TNPO1: variants seen among roughly 807,000 people sequenced by gnomAD.
The protein encoded by TNPO1 is transportin 1.
TNPO1 carries 8 observed loss-of-function variants against 119.5 expected under a neutral mutation model. That is an observed-to-expected ratio of 0.07 (90% confidence interval 0.04 to 0.12). The LOEUF (loss-of-function observed/expected upper bound fraction) is 0.12. Among genes scored for constraint, TNPO1 ranks in the 10% least tolerant of loss-of-function variants. The probability of loss-of-function intolerance (pLI) is 1.00; values close to 1 mark genes in which losing one functional copy is unlikely to be tolerated. For missense variants in TNPO1, 576 were observed against 1,089.8 expected (o/e 0.53, Z 6.64); for synonymous variants, 362 against 363.0 (o/e 1.00, Z 0.03).
chr5:72,848,795 T>C (rs981085839), intron 2 of TNPO1, among the ~76,000 whole-genome samples: 9 of 147,770 alleles, frequency 6.1e-5, no homozygotes, highest in Non-Finnish European at 1.1e-4. Flanking sequence ...GATCGCGACA[T>C]GTGCGCGGGC....
chr5:72,889,044 CA>C (rs151151536), intron 13 of TNPO1, among the ~76,000 whole-genome samples: 9 of 151,164 alleles, frequency 6.0e-5, no homozygotes, highest in African/African-American at 9.7e-5. Context: ...AACTGTTGAA[CA>C]AAAAAAAGGA....
chr5:72,865,846 A>G, intron 6 of TNPO1, 117 bp downstream of exon 6: 1 of 1,103,990 alleles, frequency 9.1e-7, no homozygotes, highest in Non-Finnish European at 1.3e-6. Flanking sequence ...TGGATGTTCC[A>G]GAGAGGTGAA....
chr5:72,832,418 A>T (rs1744514743), intron 1 of TNPO1, among the ~76,000 whole-genome samples: 2 of 152,146 alleles, frequency 1.3e-5, no homozygotes, highest in Non-Finnish European at 2.9e-5. Flanking sequence ...TTAGCTTCCC[A>T]GAAAAGTTAC....
rs115646713 is a variant in TNPO1, at chr5:72,901,421, A to T, written c.2514+348A>T. On this transcript the variant is annotated intron_variant, in intron 22 of 24. Transcript: ENST00000337273. ...CAGTTTGTGGATATCTACAGTTAAT[A>T]GAGTGACCAAATAGTAGGAATACTG... 4.8e-3 allele frequency among the ~76,000 whole-genome samples: 724 copies of T among 152,308 alleles called. 7 individuals are homozygous for T. Among genetic ancestry groups the T allele is most frequent in the African/African-American group, 0.017 (703 of 41,570 alleles).
chr5:72,876,023 C>G (rs1334387554), intron 8 of TNPO1, among the ~76,000 whole-genome samples: 1 of 152,106 alleles, frequency 6.6e-6, no homozygotes. Context: ...AGTCTAAGAT[C>G]TGTTAAAAGG....
At chr5:72,831,477 C>G (rs1052723426) in intron 1 of TNPO1, among the ~76,000 whole-genome samples, 2 of 151,830 alleles carry the variant, frequency 1.3e-5, no homozygotes, top group Non-Finnish European at 2.9e-5. Flanking sequence ...TGTACTATTA[C>G]TGTTTCTGTA....
chr5:72,836,427 C>G lies in TNPO1; in HGVS notation c.16-11958C>G, dbSNP rs573306764. Among the ~76,000 whole-genome samples, 3 of 152,318 alleles carry G rather than the reference C, an allele frequency of 2.0e-5. No individual in the cohort carries two copies. The East Asian group carries it at 5.8e-4, about 29-fold the overall frequency. ...TTCTGGAGGGGTGGTCTGAGCTGCA[C>G]CTGGGTGTGGCTGTGCCACAGCTAG... On this transcript the variant is annotated intron_variant, in intron 1 of 24. Transcript: ENST00000337273.
At chr5:72,863,756 A>T (rs968910863) in intron 5 of TNPO1, among the ~76,000 whole-genome samples, 2 of 150,938 alleles carry the variant, frequency 1.3e-5, no homozygotes, top group African/African-American at 4.9e-5. Context: ...AAAAAAAAAA[A>T]GGCTTTGGAA....
chr5:72,902,030 G>A (rs1444297435), intron 22 of TNPO1, among the ~76,000 whole-genome samples: 3 of 151,686 alleles, frequency 2.0e-5, no homozygotes, highest in East Asian at 3.9e-4. Context: ...AGCCGAGATC[G>A]CGCTATGGCA....
intron 24 of TNPO1, among the ~76,000 whole-genome samples, chr5:72,908,334 AAAGT>A (rs1287790535): frequency 1.3e-4 from 20 of 152,324 alleles, no homozygotes; most frequent in Non-Finnish European, 4.4e-5. Flanking sequence ...TATTTTTAAG[AAAGT>A]AAGGCCACTT....
In TNPO1 at chr5:72,913,389, A is replaced by T. The variant is rs909758149; in HGVS notation, c.*4716A>T. ...ATACATATTAATTTTTAAGGTATAC[A>T]TTTAAATTACACAATTGTTCATTGT... On this transcript the variant is annotated 3_prime_UTR_variant, in exon 25 of 25. Transcript: ENST00000337273. 5 of 152,494 alleles carry T rather than the reference A, an allele frequency of 3.3e-5. No individual in the cohort carries two copies. The highest frequency in any genetic ancestry group is 5.9e-5 in the Non-Finnish European group (4 of 67,928). The allele number at this position is 152,494 out of a possible 1,614,324, so 9.4% of individuals were successfully genotyped here. A position where few individuals can be genotyped will look rare whatever the true frequency, so the allele number is the denominator to read the frequency against.
intron 13 of TNPO1, 90 bp downstream of exon 13, chr5:72,888,393 T>C (rs1748809061): frequency 8.7e-7 from 1 of 1,152,070 alleles, no homozygotes; most frequent in Admixed American, 2.6e-5. Flanking sequence ...AAACCTATAA[T>C]GAAGTGTTTC....
intron 6 of TNPO1, 65 bp downstream of exon 6, chr5:72,865,794 A>G (rs1350697163): frequency 5.4e-6 from 8 of 1,469,930 alleles, no homozygotes; most frequent in South Asian, 1.3e-5. Context: ...CTTAGTTTTC[A>G]TTACCTAATA....
chr5:72,847,773 G>T (rs1444939332), intron 1 of TNPO1, among the ~76,000 whole-genome samples: 1 of 152,130 alleles, frequency 6.6e-6, no homozygotes, highest in Non-Finnish European at 1.5e-5. Context: ...TCTGGGTTGC[G>T]ACTGCATCAA....
At position 72,872,724 on chromosome 5, in the gene TNPO1, A is replaced by T. The variant is rs1747496469; in HGVS notation, c.678+4A>T. 1 of 1,590,612 alleles carries T rather than the reference A, an allele frequency of 6.3e-7. No homozygotes were observed. Among genetic ancestry groups the T allele is most frequent in the African/African-American group, 1.4e-5 (1 of 73,834 alleles). ...GCACATTGATTCTTTTATTGAGGTA[A>T]GACTTGTTCTTGTCTCCCTCCCAAC... On this transcript the variant is annotated splice_donor_region_variant and intron_variant, in intron 7 of 24. Transcript: ENST00000337273.
In TNPO1 at chr5:72,828,577, T is replaced by G. The variant is rs897959118; in HGVS notation, c.15+11825T>G. On this transcript the variant is annotated intron_variant, in intron 1 of 24. Transcript: ENST00000337273. ...AGAGTAGGCTGCATACATCTGTGCC[T>G]CTTTAGCCCTTAATACTTTAATGTG... 2.0e-5 allele frequency among the ~76,000 whole-genome samples: 3 copies of G among 152,304 alleles called. No individual in the cohort carries two copies. In the East Asian group the frequency reaches 5.8e-4, roughly 29 times the overall value.
chr5:72,879,584 C>A (rs1034423777), intron 9 of TNPO1, among the ~76,000 whole-genome samples: 2 of 152,160 alleles, frequency 1.3e-5, no homozygotes, highest in African/African-American at 4.8e-5. Flanking sequence ...GGTCTTGATC[C>A]TCTTGCCTCA....
At chr5:72,848,555 G>GC in intron 2 of TNPO1, 57 bp downstream of exon 2, 1 of 1,150,422 alleles carries the variant, frequency 8.7e-7, no homozygotes, top group Non-Finnish European at 1.1e-6. Flanking sequence ...CTGCGGCCCA[G>GC]CCCCCGGCGG....
intron 23 of TNPO1, 83 bp from the exon 24 acceptor site, chr5:72,905,220 T>A (rs1750060842): frequency 4.0e-6 from 4 of 992,798 alleles, no homozygotes; most frequent in South Asian, 1.5e-5. Flanking sequence ...TATAAAAAAA[T>A]CAGCTGTGTT....
Sources: allele counts gnomAD v4.1 joint callset (sites outside exome capture counted in the v4.1 genomes callset), GRCh38; gene constraint gnomAD v4.1.1; transcripts MANE v1.5; gene names NCBI Gene and HGNC (gene_info 2026-07-23, HGNC 2026-07-21).